Variants in HERC3 observed in about 807,000 individuals in gnomAD.
HERC3 encodes the protein HECT and RLD domain containing E3 ubiquitin protein ligase 3.
In HERC3, 58 loss-of-function variants were observed where a neutral mutation model predicts 129.9. That is an observed-to-expected ratio of 0.45 (90% CI 0.36 to 0.56). HERC3 has a LOEUF of 0.56. Ranked by LOEUF, HERC3 falls within the 20% of genes least tolerant of loss-of-function variation. The probability of loss-of-function intolerance (pLI) is 0.00; values close to 1 mark genes in which losing one functional copy is unlikely to be tolerated. For synonymous variants in HERC3, 430 were observed against 451.0 expected (o/e 0.95, Z 0.59); for missense variants, 835 against 1,244.2 (o/e 0.67, Z 4.95).
the HERC3 span, among the ~76,000 whole-genome samples, chr4:88,570,310 G>C: frequency 1.3e-5 from 2 of 152,206 alleles, no homozygotes; most frequent in African/African-American, 4.8e-5. Context: ...ACCCTGACAA[G>C]TGTGGATTTG....
the HERC3 span, among the ~76,000 whole-genome samples, chr4:88,567,348 C>T: frequency 2.0e-5 from 3 of 152,086 alleles, no homozygotes; most frequent in East Asian, 1.9e-4. Flanking sequence ...GAAGGTTCTC[C>T]GTTATTAGCC....
intron 16 of HERC3, among the ~76,000 whole-genome samples, chr4:88,672,092 A>G (rs553945450): frequency 6.6e-6 from 1 of 152,282 alleles, no homozygotes; most frequent in South Asian, 2.1e-4. Context: ...CACTAATTTC[A>G]TTAGTAGCAG....
chr4:88,546,513 T>TTTCC, the HERC3 span, among the ~76,000 whole-genome samples: 2 of 140,178 alleles, frequency 1.4e-5, no homozygotes, highest in Non-Finnish European at 3.1e-5. Context: ...CCCTTCCTCC[T>TTTCC]TTCCTTCCTT....
intron 2 of HERC3, among the ~76,000 whole-genome samples, chr4:88,605,125 G>A (rs1233653313): frequency 2.0e-5 from 3 of 152,202 alleles, no homozygotes; most frequent in Non-Finnish European, 2.9e-5. Flanking sequence ...AAGATATAAA[G>A]AGAAAGCTAC....
the HERC3 span, among the ~76,000 whole-genome samples, chr4:88,560,227 T>C: frequency 1.3e-5 from 2 of 152,208 alleles, no homozygotes; most frequent in African/African-American, 4.8e-5. Flanking sequence ...CCCAAAGTGC[T>C]GGGATTACGG....
chr4:88,571,053 C>T, the HERC3 span, among the ~76,000 whole-genome samples: 4 of 152,166 alleles, frequency 2.6e-5, no homozygotes, highest in South Asian at 4.1e-4. Context: ...CCACCGTGCC[C>T]GGCCTCCTAT....
chr4:88,597,501 AC>A (rs1722528997), intron 2 of HERC3, among the ~76,000 whole-genome samples: 1 of 152,194 alleles, frequency 6.6e-6, no homozygotes, highest in African/African-American at 2.4e-5. Context: ...CTTCATCTTC[AC>A]TGGAGAATGC....
At chr4:88,602,512 C>G (rs1387184671) in intron 2 of HERC3, among the ~76,000 whole-genome samples, 1 of 151,734 alleles carries the variant, frequency 6.6e-6, no homozygotes, top group Non-Finnish European at 1.5e-5. Context: ...GGGTCTCGCT[C>G]TATTACCCAG....
chr4:88,640,088 C>T (rs369548373), intron 3 of HERC3, among the ~76,000 whole-genome samples: 6 of 152,022 alleles, frequency 3.9e-5, no homozygotes, highest in East Asian at 3.9e-4. Context: ...TAGATGCTGG[C>T]GAGGCTATGG....
intron 23 of HERC3, among the ~76,000 whole-genome samples, chr4:88,698,188 C>T (rs555875342): frequency 1.7e-4 from 26 of 152,324 alleles, no homozygotes; most frequent in Non-Finnish European, 3.2e-4. Context: ...TATGTCTTCG[C>T]TTTCCTCTGC....
intron 3 of HERC3, among the ~76,000 whole-genome samples, chr4:88,614,812 C>G (rs978624728): frequency 1.3e-5 from 2 of 152,146 alleles, no homozygotes; most frequent in Non-Finnish European, 2.9e-5. Flanking sequence ...ACTCTTACAA[C>G]ACAACAAATT....
intron 11 of HERC3, 27 bp from the exon 12 acceptor site, chr4:88,664,126 T>A (rs775191205): frequency 6.3e-7 from 1 of 1,595,318 alleles, no homozygotes; most frequent in South Asian, 1.1e-5. Context: ...ATTAAAGGCT[T>A]CCCCCTCCCT....
chr4:88,549,237 G>C, the HERC3 span, among the ~76,000 whole-genome samples: 1 of 151,664 alleles, frequency 6.6e-6, no homozygotes, highest in African/African-American at 2.4e-5. Context: ...TTTTTGGGGG[G>C]GTGAGTGTTT....
At chr4:88,659,747 C>T (rs759051430) in intron 10 of HERC3, among the ~76,000 whole-genome samples, 13 of 152,176 alleles carry the variant, frequency 8.5e-5, no homozygotes, top group Non-Finnish European at 1.9e-4. Context: ...GTATTTATTT[C>T]CCCTAGAAAC....
chr4:88,546,070 G>A, the HERC3 span, among the ~76,000 whole-genome samples: 1 of 152,084 alleles, frequency 6.6e-6, no homozygotes, highest in African/African-American at 2.4e-5. Flanking sequence ...AAAAGAACAA[G>A]TGTATTTTGT....
At chr4:88,617,788 G>A (rs996029358) in intron 3 of HERC3, among the ~76,000 whole-genome samples, 1 of 152,054 alleles carries the variant, frequency 6.6e-6, no homozygotes, top group Non-Finnish European at 1.5e-5. Context: ...GGAGAATGAC[G>A]TGAACCTGGG....
the HERC3 span, among the ~76,000 whole-genome samples, chr4:88,534,304 G>T: frequency 6.6e-6 from 1 of 152,146 alleles, no homozygotes; most frequent in Non-Finnish European, 1.5e-5. Flanking sequence ...CAACTGGGGT[G>T]GTGCTCCTGG....
intron 20 of HERC3, among the ~76,000 whole-genome samples, chr4:88,680,703 G>T (rs1241668407): frequency 6.6e-6 from 1 of 152,114 alleles, no homozygotes; most frequent in African/African-American, 2.4e-5. Flanking sequence ...TTTCTTCCTA[G>T]ATCTGCACCA....
chr4:88,558,071 C>CAAAAAA, the HERC3 span, among the ~76,000 whole-genome samples: 9 of 39,130 alleles, frequency 2.3e-4, no homozygotes, highest in Admixed American at 9.5e-4. Flanking sequence ...GACTCTGACT[C>CAAAAAA]AAAAAAAAAA....
Sources: gnomAD v4.1 joint callset for allele counts (sites outside exome capture counted in the v4.1 genomes callset) on GRCh38, gnomAD v4.1.1 for gene constraint, MANE v1.5 for transcripts, NCBI Gene and HGNC (gene_info 2026-07-23, HGNC 2026-07-21) for gene names.